Variants in CECR2 observed in about 807,000 individuals in gnomAD.
The protein encoded by CECR2 is CECR2 histone acetyl-lysine reader.
CECR2 carries 30 observed loss-of-function variants against 154.5 expected under a neutral mutation model. The observed-to-expected ratio is 0.19, with a 90% CI of 0.15 to 0.26. The LOEUF (loss-of-function observed/expected upper bound fraction) is 0.26. Ranked by LOEUF, CECR2 falls within the 10% of genes least tolerant of loss-of-function variation. The pLI is 1.00. For missense variants in CECR2, 1,743 were observed against 1,829.3 expected (o/e 0.95, Z 0.86); for synonymous variants, 725 against 683.7 (o/e 1.06, Z -0.94).
intron 9 of CECR2, among the ~76,000 whole-genome samples, chr22:17,532,980 CATT>C (rs1315558526): frequency 5.9e-5 from 9 of 151,344 alleles, no homozygotes; most frequent in East Asian, 1.9e-4. Flanking sequence ...CCTAGCCGCT[CATT>C]ATTATTCTAT....
intron 1 of CECR2, among the ~76,000 whole-genome samples, chr22:17,443,995 A>G (rs1432100488): frequency 6.6e-6 from 1 of 152,176 alleles, no homozygotes; most frequent in African/African-American, 2.4e-5. Flanking sequence ...TTGGTCCACT[A>G]AAACATTAAT....
intron 1 of CECR2, among the ~76,000 whole-genome samples, chr22:17,363,447 A>T (rs1440200820): frequency 6.6e-6 from 1 of 151,980 alleles, no homozygotes; most frequent in Non-Finnish European, 1.5e-5. Context: ...TGACCTTATG[A>T]TCCGCCTGCC....
chr22:17,469,294 T>C (rs1189273899), intron 1 of CECR2, among the ~76,000 whole-genome samples: 1 of 152,172 alleles, frequency 6.6e-6, no homozygotes, highest in Non-Finnish European at 1.5e-5. Flanking sequence ...GGGGATTAGT[T>C]TTCTAGTATT....
chr22:17,394,223 T>TTA (rs1491106650), intron 1 of CECR2, among the ~76,000 whole-genome samples: 1 of 140,720 alleles, frequency 7.1e-6, no homozygotes, highest in Non-Finnish European at 1.5e-5. Context: ...TTTTTTTTTT[T>TTA]AAGACGGTTT....
At chr22:17,376,556 T>A (rs1450940808) in intron 1 of CECR2, among the ~76,000 whole-genome samples, 1 of 151,834 alleles carries the variant, frequency 6.6e-6, no homozygotes, top group Non-Finnish European at 1.5e-5. Flanking sequence ...TAGGTAAAAA[T>A]GTGGTGTGTG....
chr22:17,465,881 A>G (rs2055024231), intron 1 of CECR2, among the ~76,000 whole-genome samples: 1 of 151,736 alleles, frequency 6.6e-6, no homozygotes, highest in African/African-American at 2.4e-5. Context: ...GTCCTCCCAA[A>G]TTGCTGGGAT....
intron 9 of CECR2, among the ~76,000 whole-genome samples, chr22:17,527,195 T>C (rs1013562545): frequency 3.9e-5 from 6 of 152,264 alleles, no homozygotes; most frequent in South Asian, 2.1e-4. Context: ...TGTTGAGTCA[T>C]GCTTGTAAGC....
Position 17,462,992 on chromosome 22 carries a change from C to G in CECR2, c.127-14596C>G, listed in dbSNP as rs188759013. ...CAAACCCAAAGCAGACAAAGCTCCTCAAGGGGTTTGCTTAATAATGGTGGA... is the reference window on the plus strand; with the variant it reads ...CAAACCCAAAGCAGACAAAGCTCCTGAAGGGGTTTGCTTAATAATGGTGGA... On this transcript the variant is annotated intron_variant, in intron 1 of 18. Transcript: ENST00000262608. Among the ~76,000 whole-genome samples, 167 of 152,304 alleles carry G rather than the reference C, an allele frequency of 1.1e-3. 1 individual carries two copies. The highest frequency in any genetic ancestry group is 3.9e-3 in the African/African-American group (161 of 41,570).
chr22:17,534,036 C>T (rs192090826), intron 9 of CECR2, among the ~76,000 whole-genome samples: 3 of 152,110 alleles, frequency 2.0e-5, no homozygotes, highest in East Asian at 3.9e-4. Context: ...TGAAAACTTG[C>T]AAAAACAATA....
chr22:17,451,562 G>C (rs116988763), intron 1 of CECR2, among the ~76,000 whole-genome samples: 1 of 152,002 alleles, frequency 6.6e-6, no homozygotes, highest in Non-Finnish European at 1.5e-5. Flanking sequence ...AGTTCCATGG[G>C]GCTTGCTCCA....
chr22:17,437,742 A>T (rs983766289), intron 1 of CECR2, among the ~76,000 whole-genome samples: 2 of 152,162 alleles, frequency 1.3e-5, no homozygotes, highest in Non-Finnish European at 2.9e-5. Context: ...AAAAAATTTT[A>T]AAGTTTGTCA....
intron 17 of CECR2, 120 bp downstream of exon 17, chr22:17,549,684 C>T (rs2056676095): frequency 9.1e-6 from 8 of 878,126 alleles, no homozygotes; most frequent in Non-Finnish European, 1.2e-5. Context: ...GTGATCATGG[C>T]TCACGGCGGC....
intron 1 of CECR2, among the ~76,000 whole-genome samples, chr22:17,428,798 T>TTGTGTGTGTGTGTG (rs60474818): frequency 0.065 from 8,800 of 136,228 alleles, 446 homozygotes; most frequent in African/African-American, 0.13. Flanking sequence ...ATGTTTTTAT[T>TTGTGTGTGTGTGTG]TGTGTGTGTG....
At chr22:17,536,222 T>G (rs894012859) in intron 9 of CECR2, among the ~76,000 whole-genome samples, 1 of 152,048 alleles carries the variant, frequency 6.6e-6, no homozygotes, top group African/African-American at 2.4e-5. Context: ...CACTCCAGCC[T>G]GGGCAACAAG....
At chr22:17,366,467 G>A (rs1164167109), upstream of CECR2, among the ~76,000 whole-genome samples, 4 of 152,160 alleles carry the variant, frequency 2.6e-5, no homozygotes, top group Non-Finnish European at 1.5e-5. Flanking sequence ...GATTACAGGC[G>A]TCACCTACCG....
chr22:17,503,549 C>T (rs920532974), intron 6 of CECR2, among the ~76,000 whole-genome samples: 6 of 152,206 alleles, frequency 3.9e-5, no homozygotes, highest in African/African-American at 1.4e-4. Context: ...CCAGTTTGCA[C>T]AGTGTAGTTG....
At chr22:17,533,194 T>C (rs1292366418) in intron 9 of CECR2, among the ~76,000 whole-genome samples, 1 of 151,334 alleles carries the variant, frequency 6.6e-6, no homozygotes, top group East Asian at 1.9e-4. Flanking sequence ...TGCACTTCTG[T>C]AATCCCAGCT....
intron 1 of CECR2, among the ~76,000 whole-genome samples, chr22:17,394,973 A>G (rs1416787975): frequency 6.6e-6 from 1 of 152,182 alleles, no homozygotes; most frequent in Non-Finnish European, 1.5e-5. Context: ...TATAATTTAA[A>G]TACATCAAAT....
Position 17,503,064 on chromosome 22 carries a change from C to T in CECR2, c.651-18C>T. The T allele has an allele frequency of 6.2e-7, 1 of 1,608,082 alleles. No individual in the cohort carries two copies. ...CCTGTCTTTGTTTTAATTGGCACCT[C>T]TTTTTCCTGTGTTTCAGTGAAAAGC... is the stretch of plus-strand genomic sequence containing the variant. On this transcript the variant is annotated intron_variant, in intron 5 of 18. Transcript: ENST00000262608.
Sources: gnomAD v4.1 joint callset for allele counts (sites outside exome capture counted in the v4.1 genomes callset) on GRCh38, gnomAD v4.1.1 for gene constraint, MANE v1.5 for transcripts, NCBI Gene and HGNC (gene_info 2026-07-23, HGNC 2026-07-21) for gene names.